Variants in FRMD4B observed in about 807,000 individuals in gnomAD.
FRMD4B encodes FERM domain containing 4B.
In FRMD4B, 74 loss-of-function variants were observed where a neutral mutation model predicts 141.5. The ratio of observed to expected loss-of-function variants is 0.52; its 90% confidence interval spans 0.43 to 0.63. The LOEUF (loss-of-function observed/expected upper bound fraction) is 0.63. FRMD4B is among the 30% of genes least tolerant of loss of function. FRMD4B has a pLI of 0.00. For missense variants in FRMD4B, 1,366 were observed against 1,253.4 expected, an observed-to-expected ratio of 1.09 and a Z score of -1.36; for synonymous variants, 506 against 467.9, an observed-to-expected ratio of 1.08 and a Z score of -1.05.
At chr3:69,455,825 C>T (rs746449320) in intron 1 of FRMD4B, among the ~76,000 whole-genome samples, 15 of 152,124 alleles carry the variant, frequency 9.9e-5, no homozygotes, top group Non-Finnish European at 5.9e-5. Context: ...TGCTGGCTCC[C>T]ACTGTGTGAG....
chr3:69,362,360 G>C (rs1223013787), intron 1 of FRMD4B, among the ~76,000 whole-genome samples: 1 of 152,176 alleles, frequency 6.6e-6, no homozygotes, highest in East Asian at 1.9e-4. Context: ...CTCTTGACTT[G>C]TGTGCTCTTC....
intron 11 of FRMD4B, among the ~76,000 whole-genome samples, chr3:69,214,883 ATT>A (rs60270052): frequency 1.1e-4 from 17 of 150,440 alleles, no homozygotes; most frequent in African/African-American, 2.0e-4. Flanking sequence ...ATAATAATGA[ATT>A]TTTTTTTTTT....
chr3:69,507,122 A>T (rs918298747), intron 1 of FRMD4B, among the ~76,000 whole-genome samples: 4 of 152,202 alleles, frequency 2.6e-5, no homozygotes, highest in Non-Finnish European at 4.4e-5. Context: ...AACACCAATT[A>T]GCCTTTAATG....
chr3:69,200,112 A>T (rs532027707), intron 11 of FRMD4B, among the ~76,000 whole-genome samples: 1 of 152,298 alleles, frequency 6.6e-6, no homozygotes, highest in African/African-American at 2.4e-5. Flanking sequence ...CAGCAAAACC[A>T]TTTCCTGACA....
chr3:69,187,622 G>T, intron 19 of FRMD4B, 148 bp downstream of exon 19: 1 of 502,732 alleles, frequency 2.0e-6, no homozygotes, highest in South Asian at 2.7e-5. Context: ...AACAAACTGG[G>T]TTAGTTTCTA....
chr3:69,250,162 C>G (rs1213018141), intron 5 of FRMD4B, 63 bp from the exon 6 acceptor site: 1 of 1,143,108 alleles, frequency 8.7e-7, no homozygotes, highest in African/African-American at 1.5e-5. Context: ...GCAAATGGCT[C>G]TGAAGTTGAG....
upstream of FRMD4B, among the ~76,000 whole-genome samples, chr3:69,389,701 A>T (rs1704339753): frequency 6.6e-6 from 1 of 152,074 alleles, no homozygotes; most frequent in Non-Finnish European, 1.5e-5. Context: ...AACTTCCTCC[A>T]CTCCAGGGAC....
chr3:69,447,842 T>C (rs1466487808), intron 1 of FRMD4B, among the ~76,000 whole-genome samples: 2 of 152,238 alleles, frequency 1.3e-5, no homozygotes, highest in Non-Finnish European at 2.9e-5. Context: ...CATGATGTTT[T>C]TGAGATTCAT....
chr3:69,353,610 C>T (rs540020694), intron 1 of FRMD4B: 246 of 985,288 alleles, frequency 2.5e-4, no homozygotes, highest in Non-Finnish European at 2.9e-4. Context: ...AAAAGACACA[C>T]GTATTAAGCA....
At chr3:69,331,165 G>T (rs1269233127) in intron 1 of FRMD4B, among the ~76,000 whole-genome samples, 2 of 152,236 alleles carry the variant, frequency 1.3e-5, no homozygotes, top group African/African-American at 4.8e-5. Context: ...GAAGGGTGGG[G>T]AGGGTAGAGT....
At chr3:69,396,724 C>T (rs771234376) in intron 2 of FRMD4B, among the ~76,000 whole-genome samples, 3 of 152,022 alleles carry the variant, frequency 2.0e-5, no homozygotes, top group Admixed American at 6.5e-5. Context: ...GAAGAATTGC[C>T]ATCTTCATAC....
At chr3:69,260,727 G>C (rs1005490261) in intron 5 of FRMD4B, among the ~76,000 whole-genome samples, 1 of 152,258 alleles carries the variant, frequency 6.6e-6, no homozygotes, top group African/African-American at 2.4e-5. Context: ...GAGTTAAGTA[G>C]GAACTTGGAG....
intron 1 of FRMD4B, among the ~76,000 whole-genome samples, chr3:69,332,068 C>A (rs1477802789): frequency 6.6e-6 from 1 of 152,104 alleles, no homozygotes; most frequent in East Asian, 1.9e-4. Flanking sequence ...GCCTGGGCGA[C>A]ACAGCAAGAC....
At chr3:69,534,223 T>C (rs1701048510) in intron 1 of FRMD4B, among the ~76,000 whole-genome samples, 1 of 152,250 alleles carries the variant, frequency 6.6e-6, no homozygotes, top group South Asian at 2.1e-4. Context: ...CACTATGTTT[T>C]ACCTAATACA....
At chr3:69,319,138 C>T (rs910106724) in intron 1 of FRMD4B, among the ~76,000 whole-genome samples, 3 of 152,178 alleles carry the variant, frequency 2.0e-5, no homozygotes, top group African/African-American at 7.2e-5. Flanking sequence ...CTCATTTTAA[C>T]CACCAGGAAA....
chr3:69,538,333 C>T (rs1701115237), intron 1 of FRMD4B, among the ~76,000 whole-genome samples: 1 of 152,176 alleles, frequency 6.6e-6, no homozygotes, highest in Non-Finnish European at 1.5e-5. Context: ...TATGCATATA[C>T]ATAATACCCT....
chr3:69,536,032 C>T (rs988845697), intron 1 of FRMD4B: 1 of 404,970 alleles, frequency 2.5e-6, no homozygotes. Context: ...ACCTGCGTGG[C>T]CTTGTCTGGC....
chr3:69,494,883 A>G (rs1394402447), intron 1 of FRMD4B, among the ~76,000 whole-genome samples: 1 of 151,248 alleles, frequency 6.6e-6, no homozygotes, highest in Non-Finnish European at 1.5e-5. Context: ...CAAGAGTGAA[A>G]CTCCGTCCAA....
rs138557199 is a variant in FRMD4B at position 69,340,962 on chromosome 3, C to T, written c.163-27445G>A. On this transcript the variant is annotated intron_variant, in intron 1 of 22. Coordinates refer to ENST00000398540, the MANE Select transcript of FRMD4B (RefSeq NM_015123.3). ...AGTTGTGTAATAAAAAAAGGAGTTGCAAAAAATAATAAAAAAAGGAGTTGC... is the reference window on the plus strand; with the variant it reads ...AGTTGTGTAATAAAAAAAGGAGTTGTAAAAAATAATAAAAAAAGGAGTTGC... 7.3e-4 allele frequency among the ~76,000 whole-genome samples: 111 copies of T among 151,384 alleles called. No homozygotes were observed. In the East Asian group the frequency reaches 0.02, roughly 27 times the overall value.
Sources: allele counts gnomAD v4.1 joint callset (sites outside exome capture counted in the v4.1 genomes callset), GRCh38; gene constraint gnomAD v4.1.1; transcripts MANE v1.5; gene names NCBI Gene and HGNC (gene_info 2026-07-23, HGNC 2026-07-21).